Variants in PTPRR observed in about 807,000 individuals in gnomAD.
PTPRR encodes receptor-type tyrosine-protein phosphatase R.
In PTPRR, 38 loss-of-function variants were observed where a neutral mutation model predicts 77.2. That is an observed-to-expected ratio of 0.49 (90% confidence interval 0.38 to 0.65). PTPRR has a LOEUF of 0.65. Among genes scored for constraint, PTPRR ranks in the 30% least tolerant of loss-of-function variants. The pLI, the probability that PTPRR is intolerant of heterozygous loss-of-function variation, is 0.00. For missense variants in PTPRR, 744 were observed against 799.2 expected (o/e 0.93, Z 0.83); for synonymous variants, 299 against 283.1 (o/e 1.06, Z -0.57).
intron 10 of PTPRR, among the ~76,000 whole-genome samples, chr12:70,675,548 A>G (rs1194169300): frequency 6.6e-6 from 1 of 152,014 alleles, no homozygotes; most frequent in Admixed American, 6.6e-5. Context: ...AAATATTTTA[A>G]CTTTCCTCAT....
Position 70,745,940 on chromosome 12 carries a change from G to A in PTPRR, c.885C>T (p.Ala295=). 1 of 1,613,990 alleles carries A rather than the reference G, an allele frequency of 6.2e-7. No individual in the cohort carries two copies. The highest frequency in any genetic ancestry group is 8.5e-7 in the Non-Finnish European group (1 of 1,180,000). ...CCACGACAACATTCAGTACCTTTGG[G>A]GCCTGCTCAGGTTGGACCATGCTGT... is the stretch of plus-strand genomic sequence containing the variant. ...TVHSMVQPEQ[A]PKVLNVVVDP... Residue 295 remains alanine, a synonymous_variant, in exon 6 of 14, where the codon GCC becomes GCT. Coordinates refer to ENST00000283228, the MANE Select transcript of PTPRR (RefSeq NM_002849.4).
chr12:70,719,962 G>A (rs1477231526), intron 6 of PTPRR, among the ~76,000 whole-genome samples: 2 of 152,174 alleles, frequency 1.3e-5, no homozygotes, highest in African/African-American at 4.8e-5. Flanking sequence ...CCCTGCCGAC[G>A]ACCCTGAAAC....
At chr12:70,793,684 G>C (rs971876987) in intron 2 of PTPRR, among the ~76,000 whole-genome samples, 1 of 152,182 alleles carries the variant, frequency 6.6e-6, no homozygotes, top group Non-Finnish European at 1.5e-5. Flanking sequence ...TCCATCAAAC[G>C]AGGGTAATTT....
chr12:70,681,152 C>G (rs770891056), intron 10 of PTPRR, among the ~76,000 whole-genome samples: 4 of 152,144 alleles, frequency 2.6e-5, no homozygotes, highest in African/African-American at 9.7e-5. Flanking sequence ...TGTAGCAACT[C>G]AGCAAGGGAA....
intron 1 of PTPRR, among the ~76,000 whole-genome samples, chr12:70,895,870 T>G (rs1893418947): frequency 1.3e-5 from 2 of 151,734 alleles, no homozygotes; most frequent in South Asian, 4.1e-4. Flanking sequence ...AAGTGAAGAC[T>G]GAGAAGCCAA....
intron 1 of PTPRR, among the ~76,000 whole-genome samples, chr12:70,917,127 G>A (rs1365453021): frequency 1.3e-5 from 2 of 152,142 alleles, no homozygotes; most frequent in Non-Finnish European, 2.9e-5. Context: ...AATAAGCTCT[G>A]TGGATCTTCC....
chr12:70,881,145 T>C (rs1197588269), intron 2 of PTPRR, among the ~76,000 whole-genome samples: 1 of 152,200 alleles, frequency 6.6e-6, no homozygotes, highest in African/African-American at 2.4e-5. Flanking sequence ...ATGAACTTGA[T>C]GGCTCAAGTC....
intron 6 of PTPRR, among the ~76,000 whole-genome samples, chr12:70,730,902 G>C (rs1033555270): frequency 2.7e-5 from 4 of 150,134 alleles, no homozygotes; most frequent in African/African-American, 9.8e-5. Context: ...AGGAAGGAGA[G>C]AGAGAGACAG....
intron 2 of PTPRR, among the ~76,000 whole-genome samples, chr12:70,861,565 C>G (rs1185197076): frequency 6.6e-6 from 1 of 152,056 alleles, no homozygotes; most frequent in Non-Finnish European, 1.5e-5. Context: ...AGATTTAATT[C>G]CAATGGCATC....
At chr12:70,919,706 A>G (rs1365270662) in intron 1 of PTPRR, among the ~76,000 whole-genome samples, 1 of 82,134 alleles carries the variant, frequency 1.2e-5, no homozygotes, top group South Asian at 3.6e-4. Flanking sequence ...TTTTTTTTTT[A>G]ATATGCCAGC....
intron 6 of PTPRR, among the ~76,000 whole-genome samples, chr12:70,720,508 AATT>A (rs1347240448): frequency 6.7e-5 from 9 of 133,634 alleles, no homozygotes; most frequent in Non-Finnish European, 1.5e-4. Flanking sequence ...TTACCCTGGT[AATT>A]TTTTTTTTTT....
chr12:70,902,644 CA>C (rs1893556828), intron 1 of PTPRR, among the ~76,000 whole-genome samples: 1 of 151,714 alleles, frequency 6.6e-6, no homozygotes, highest in African/African-American at 2.4e-5. Flanking sequence ...AATGGAAAAC[CA>C]AACATCGTAT....
intron 2 of PTPRR, among the ~76,000 whole-genome samples, chr12:70,865,982 C>G (rs1340955343): frequency 6.6e-6 from 1 of 151,996 alleles, no homozygotes; most frequent in Non-Finnish European, 1.5e-5. Flanking sequence ...TTCTTTGAAA[C>G]CAATGAGAAC....
intron 2 of PTPRR, among the ~76,000 whole-genome samples, chr12:70,816,093 G>A (rs1314030567): frequency 6.6e-6 from 1 of 152,068 alleles, no homozygotes; most frequent in East Asian, 1.9e-4. Flanking sequence ...GGTAAAAATA[G>A]TTTTCCATTT....
chr12:70,664,781 T>C (rs1238304968), intron 10 of PTPRR: 1 of 152,206 alleles, frequency 6.6e-6, no homozygotes, highest in Admixed American at 6.5e-5. Context: ...GACTTGTTCA[T>C]TCAAACAACC....
chr12:70,725,122 T>G (rs1265564587), intron 6 of PTPRR, among the ~76,000 whole-genome samples: 1 of 152,050 alleles, frequency 6.6e-6, no homozygotes, highest in Admixed American at 6.6e-5. Flanking sequence ...CCTCCTATTA[T>G]AAAATAAGCA....
At chr12:70,768,626 A>G (rs1890889126) in intron 2 of PTPRR, among the ~76,000 whole-genome samples, 1 of 152,230 alleles carries the variant, frequency 6.6e-6, no homozygotes, top group Non-Finnish European at 1.5e-5. Flanking sequence ...TCCAATCAAT[A>G]GAAAAAGAGG....
intron 5 of PTPRR, among the ~76,000 whole-genome samples, chr12:70,747,428 T>C (rs1015238729): frequency 2.6e-5 from 4 of 152,248 alleles, no homozygotes; most frequent in African/African-American, 9.6e-5. Context: ...TATTTTAAGC[T>C]CTTCACATCT....
chr12:70,817,463 A>C (rs1156304804), intron 2 of PTPRR, among the ~76,000 whole-genome samples: 2 of 152,194 alleles, frequency 1.3e-5, no homozygotes. Flanking sequence ...AACTACTTAG[A>C]GGTAAAGAGC....
Sources: allele counts gnomAD v4.1 joint callset (sites outside exome capture counted in the v4.1 genomes callset), GRCh38; gene constraint gnomAD v4.1.1; transcripts MANE v1.5; gene names NCBI Gene and HGNC (gene_info 2026-07-23, HGNC 2026-07-21).